The following PLCXD3 variants were observed in gnomAD, a reference collection of about 807,000 sequenced individuals.
PLCXD3 encodes the protein phosphatidylinositol specific phospholipase C X domain containing 3, also known as PI-PLC X domain-containing protein 3.
In PLCXD3, 19 loss-of-function variants were observed where a neutral mutation model predicts 25.5. That is an observed-to-expected ratio of 0.75 (90% CI 0.52 to 1.09). PLCXD3 has a LOEUF of 1.09. Among genes scored for constraint, PLCXD3 ranks in the 50% least tolerant of loss-of-function variants. PLCXD3 has a pLI of 0.00. For missense variants in PLCXD3, 411 were observed against 388.1 expected (o/e 1.06, Z -0.50); for synonymous variants, 174 against 137.6 (o/e 1.26, Z -1.85).
chr5:41,483,319 T>A (rs1053973101), intron 1 of PLCXD3, among the ~76,000 whole-genome samples: 9 of 152,140 alleles, frequency 5.9e-5, no homozygotes, highest in Non-Finnish European at 1.2e-4. Flanking sequence ...AGTTTTGCAT[T>A]ACCTATGAGA....
chr5:41,448,383 A>G (rs1747553173), intron 1 of PLCXD3, among the ~76,000 whole-genome samples: 1 of 152,248 alleles, frequency 6.6e-6, no homozygotes, highest in Admixed American at 6.5e-5. Flanking sequence ...CCAAACTGGC[A>G]TCTAGCCAAT....
intron 1 of PLCXD3, among the ~76,000 whole-genome samples, chr5:41,500,003 A>C (rs890618264): frequency 1.3e-5 from 2 of 151,868 alleles, no homozygotes; most frequent in Non-Finnish European, 3.0e-5. Flanking sequence ...TATGGGAAAT[A>C]GTATGGCTAT....
At position 41,510,475 on chromosome 5, in the gene PLCXD3, T is replaced by C. The variant is rs1429747182; in HGVS notation, c.52A>G (p.Thr18Ala). The C allele has an allele frequency of 2.5e-6, 4 of 1,612,578 alleles. No individual in the cohort carries two copies. In the Admixed American group the frequency reaches 5.0e-5, roughly 20 times the overall value. ...NELKLADWMATLPESMHSIPL... is the reference protein window; with the variant it reads ...NELKLADWMAALPESMHSIPL... ...ATGCTGTGCATGCTCTCCGGCAGAG[T>C]TGCCATCCAGTCGGCTAATTTCAGC... is the stretch of plus-strand genomic sequence containing the variant. The change falls in exon 1 of 3, where the codon ACT (threonine) becomes GCT (alanine). Residue 18 changes from threonine to alanine, a missense_variant. Physicochemically the swap from Thr to Ala is moderately conservative, Grantham distance 58. Coordinates refer to ENST00000377801, the MANE Select transcript of PLCXD3 (RefSeq NM_001005473.3).
chr5:41,459,722 A>G (rs1456637557), intron 1 of PLCXD3, among the ~76,000 whole-genome samples: 1 of 151,742 alleles, frequency 6.6e-6, no homozygotes, highest in Non-Finnish European at 1.5e-5. Context: ...CAACTTCTCA[A>G]TCAACCATTA....
rs1747689593 is a variant in PLCXD3 at position 41,453,720 on chromosome 5, C to A, written c.103+56704G>T. Among the ~76,000 whole-genome samples the A allele has an allele frequency of 2.0e-5, 3 of 151,974 alleles. No homozygotes were observed. The South Asian group carries it at 6.2e-4, about 31-fold the overall frequency. On this transcript the variant is annotated intron_variant, in intron 1 of 2. Transcript: ENST00000377801. ...TTCCTCAATGGAATTTATAAGCTTTCTCTGCCTAGGGTTGTGCAAACTTAG... is the reference window on the plus strand; with the variant it reads ...TTCCTCAATGGAATTTATAAGCTTTATCTGCCTAGGGTTGTGCAAACTTAG...
At chr5:41,501,098 T>G (rs770149583) in intron 1 of PLCXD3, among the ~76,000 whole-genome samples, 8 of 152,050 alleles carry the variant, frequency 5.3e-5, no homozygotes, top group Non-Finnish European at 1.0e-4. Context: ...TCTTGTACAC[T>G]GTTGGTGGAA....
At chr5:41,502,197 G>A (rs1015879409) in intron 1 of PLCXD3, among the ~76,000 whole-genome samples, 1 of 152,092 alleles carries the variant, frequency 6.6e-6, no homozygotes, top group African/African-American at 2.4e-5. Flanking sequence ...AGCAGGTCTA[G>A]ATCTTCCTCT....
intron 1 of PLCXD3, among the ~76,000 whole-genome samples, chr5:41,484,580 C>T (rs1035221123): frequency 4.6e-5 from 7 of 152,140 alleles, no homozygotes; most frequent in Admixed American, 2.0e-4. Flanking sequence ...GGTAAGATTG[C>T]TTTTGGGAGA....
At chr5:41,390,867 G>T (rs1237836107) in intron 1 of PLCXD3, among the ~76,000 whole-genome samples, 1 of 152,182 alleles carries the variant, frequency 6.6e-6, no homozygotes, top group Non-Finnish European at 1.5e-5. Context: ...CTACCCTGGC[G>T]GCAGTGGCCT....
chr5:41,354,832 G>T (rs1580320305), intron 2 of PLCXD3, among the ~76,000 whole-genome samples: 2 of 152,000 alleles, frequency 1.3e-5, no homozygotes, highest in South Asian at 4.2e-4. Flanking sequence ...CCTTTAATTT[G>T]TCTTCACTCT....
intron 1 of PLCXD3, among the ~76,000 whole-genome samples, chr5:41,413,582 C>T (rs1355591242): frequency 6.6e-6 from 1 of 152,144 alleles, no homozygotes; most frequent in African/African-American, 2.4e-5. Context: ...GACTGTTATT[C>T]CACTTTTCCA....
intron 1 of PLCXD3, among the ~76,000 whole-genome samples, chr5:41,497,715 C>G (rs1172004115): frequency 6.6e-6 from 1 of 151,912 alleles, no homozygotes; most frequent in African/African-American, 2.4e-5. Context: ...CATTTAACAA[C>G]AGCAGAATAC....
chr5:41,393,715 C>T (rs1270379511), intron 1 of PLCXD3, among the ~76,000 whole-genome samples: 4 of 151,766 alleles, frequency 2.6e-5, no homozygotes, highest in East Asian at 1.9e-4. Flanking sequence ...GTCAGGAGAT[C>T]GAGACCATCC....
intron 2 of PLCXD3, 30 bp downstream of exon 2, chr5:41,381,796 G>GT: frequency 6.8e-7 from 1 of 1,472,876 alleles, no homozygotes; most frequent in South Asian, 1.3e-5. Context: ...ATTATTTGAG[G>GT]TTTCCCCCTG....
intron 1 of PLCXD3, among the ~76,000 whole-genome samples, chr5:41,432,861 G>C (rs1747150318): frequency 6.6e-6 from 1 of 152,172 alleles, no homozygotes; most frequent in Non-Finnish European, 1.5e-5. Flanking sequence ...AGGTTGAATA[G>C]ACTGATGGAC....
chr5:41,406,738 C>CA (rs1209262055), intron 1 of PLCXD3, among the ~76,000 whole-genome samples: 1 of 152,144 alleles, frequency 6.6e-6, no homozygotes, highest in Non-Finnish European at 1.5e-5. Context: ...GTAGCTTTCC[C>CA]TTCATCTCAG....
chr5:41,380,936 T>C (rs1009551045), intron 2 of PLCXD3, among the ~76,000 whole-genome samples: 1 of 152,116 alleles, frequency 6.6e-6, no homozygotes, highest in Non-Finnish European at 1.5e-5. Context: ...ATCCTACATG[T>C]TTGGCTGGGC....
At position 41,381,935 on chromosome 5, in the gene PLCXD3, C is replaced by T; in HGVS notation, c.703G>A (p.Glu235Lys). 6.2e-7 allele frequency: 1 copy of T among 1,613,398 alleles called. No individual in the cohort carries two copies. Among genetic ancestry groups the T allele is most frequent in the Non-Finnish European group, 8.5e-7 (1 of 1,179,674 alleles). The change falls in exon 2 of 3, where the codon GAG becomes AAG. Residue 235 changes from glutamate to lysine, a missense_variant. Physicochemically the swap from Glu to Lys is moderately conservative, Grantham distance 56. Transcript: ENST00000377801. ...AAAAACGATCCCTTCTTTCTTCTCT[C>T]AGTGATGGATGCTTGAAGAAACTGG... ...LIQFLQASIT[E>K]RRKKGSFFIS...
intron 1 of PLCXD3, among the ~76,000 whole-genome samples, chr5:41,414,483 G>T (rs1301638534): frequency 6.6e-6 from 1 of 152,164 alleles, no homozygotes; most frequent in Non-Finnish European, 1.5e-5. Flanking sequence ...TTCTACTGTG[G>T]TCTTTAATTG....
Sources: allele counts gnomAD v4.1 joint callset (sites outside exome capture counted in the v4.1 genomes callset), GRCh38; gene constraint gnomAD v4.1.1; transcripts MANE v1.5; gene names NCBI Gene and HGNC (gene_info 2026-07-23, HGNC 2026-07-21).